Variants in GRM5 observed in about 807,000 individuals in gnomAD.
The protein encoded by GRM5 is glutamate metabotropic receptor 5.
GRM5 carries 19 observed loss-of-function variants against 83.1 expected under a neutral mutation model. That is an observed-to-expected ratio of 0.23 (90% CI 0.16 to 0.34). The LOEUF is 0.34. Among genes scored for constraint, GRM5 ranks in the 10% least tolerant of loss-of-function variants. The pLI is 1.00. For synonymous variants in GRM5, 675 were observed against 633.6 expected (o/e 1.07, Z -0.98); for missense variants, 1,160 against 1,588.3 (o/e 0.73, Z 4.58).
intron 3 of GRM5, among the ~76,000 whole-genome samples, chr11:88,761,255 C>A (rs1355047098): frequency 6.6e-6 from 1 of 152,120 alleles, no homozygotes; most frequent in East Asian, 1.9e-4. Context: ...GAGAGGAAGT[C>A]AAACTATCCC....
At chr11:88,731,449 A>C (rs1941805920) in intron 3 of GRM5, among the ~76,000 whole-genome samples, 2 of 152,066 alleles carry the variant, frequency 1.3e-5, no homozygotes, top group African/African-American at 4.8e-5. Flanking sequence ...GTGCAGACCA[A>C]TTATATCTCT....
intron 3 of GRM5, among the ~76,000 whole-genome samples, chr11:88,805,943 G>T (rs1943492665): frequency 6.6e-6 from 1 of 151,936 alleles, no homozygotes; most frequent in Non-Finnish European, 1.5e-5. Context: ...AACTAGCTTT[G>T]ATACTCTGCC....
intron 2 of GRM5, among the ~76,000 whole-genome samples, chr11:88,891,203 G>T (rs1945138836): frequency 6.6e-6 from 1 of 152,012 alleles, no homozygotes; most frequent in Non-Finnish European, 1.5e-5. Flanking sequence ...TCAAATTGGG[G>T]TTAACATTAA....
intron 8 of GRM5, among the ~76,000 whole-genome samples, chr11:88,537,672 C>T (rs958096900): frequency 2.6e-4 from 40 of 152,098 alleles, no homozygotes; most frequent in African/African-American, 9.7e-4. Flanking sequence ...CATCTCTCAA[C>T]CTTCTATCTA....
chr11:88,631,376 G>A (rs1179628694), intron 4 of GRM5, among the ~76,000 whole-genome samples: 1 of 151,866 alleles, frequency 6.6e-6, no homozygotes, highest in East Asian at 1.9e-4. Flanking sequence ...GATATTATTG[G>A]GATATATATT....
intron 8 of GRM5, among the ~76,000 whole-genome samples, chr11:88,532,472 C>T (rs761888207): frequency 3.9e-5 from 6 of 151,976 alleles, no homozygotes; most frequent in African/African-American, 7.3e-5. Flanking sequence ...GATTTTCATA[C>T]CAAAATTGCA....
rs577327271 is a variant in GRM5 at position 88,602,926 on chromosome 11, A to C, written c.1394+1792T>G. Among the ~76,000 whole-genome samples the C allele has an allele frequency of 3.3e-5, 5 of 152,286 alleles. No homozygotes were observed. The East Asian group carries it at 7.7e-4, about 24-fold the overall frequency. ...AAGTAACTGGATTATTTGGAGAAAC[A>C]AAAGGTGGTAAATCACCTTTTCCTG... On this transcript the variant is annotated intron_variant, in intron 5 of 9. Transcript: ENST00000305447.
At chr11:88,960,655 G>C (rs1938754703) in intron 2 of GRM5, among the ~76,000 whole-genome samples, 1 of 152,132 alleles carries the variant, frequency 6.6e-6, no homozygotes. Context: ...GAAATTTTAG[G>C]AAACTTGGAA....
intron 7 of GRM5, among the ~76,000 whole-genome samples, chr11:88,584,267 GTAACTCCCATC>G (rs1280083170): frequency 1.3e-5 from 2 of 148,922 alleles, no homozygotes; most frequent in Non-Finnish European, 3.0e-5. Flanking sequence ...AACCTATTTT[GTAACTCCCATC>G]TAACTCCCTT....
At chr11:88,680,544 A>G (rs1277907945) in intron 3 of GRM5, among the ~76,000 whole-genome samples, 1 of 152,204 alleles carries the variant, frequency 6.6e-6, no homozygotes, top group African/African-American at 2.4e-5. Context: ...ACTGTAAACT[A>G]GTTCAACCAT....
At chr11:88,971,106 GA>G (rs1318020420) in intron 2 of GRM5, among the ~76,000 whole-genome samples, 4 of 152,104 alleles carry the variant, frequency 2.6e-5, no homozygotes, top group Non-Finnish European at 5.9e-5. Context: ...TCTCATTGTT[GA>G]AAATGGGACT....
At chr11:88,884,285 T>G (rs1237195643) in intron 2 of GRM5, among the ~76,000 whole-genome samples, 2 of 152,186 alleles carry the variant, frequency 1.3e-5, no homozygotes, top group Non-Finnish European at 2.9e-5. Context: ...TTTTCGAACT[T>G]TAATGACTGT....
chr11:88,860,888 G>A (rs1271636544), intron 2 of GRM5, among the ~76,000 whole-genome samples: 1 of 152,146 alleles, frequency 6.6e-6, no homozygotes, highest in East Asian at 1.9e-4. Flanking sequence ...CTATAATTTA[G>A]ACTTGTGCTG....
chr11:88,682,504 T>C (rs916411876), intron 3 of GRM5, among the ~76,000 whole-genome samples: 27 of 152,320 alleles, frequency 1.8e-4, no homozygotes, highest in Admixed American at 6.5e-5. Context: ...GAGATACCTA[T>C]CTACTTAGCT....
intron 2 of GRM5, among the ~76,000 whole-genome samples, chr11:88,906,420 GCTTA>G (rs1565286455): frequency 6.6e-6 from 1 of 152,084 alleles, no homozygotes; most frequent in East Asian, 1.9e-4. Context: ...TCACCAGATG[GCTTA>G]CTTAAATATT....
At chr11:88,741,154 T>C (rs1942019825) in intron 3 of GRM5, among the ~76,000 whole-genome samples, 1 of 152,068 alleles carries the variant, frequency 6.6e-6, no homozygotes, top group African/African-American at 2.4e-5. Context: ...ATGATATTTA[T>C]GATGAAAATA....
In GRM5 at chr11:88,990,151, T is replaced by C. The variant is rs1258647563; in HGVS notation, c.661+57061A>G. Among the ~76,000 whole-genome samples the C allele has an allele frequency of 2.8e-5, 4 of 143,340 alleles. 1 individual carries two copies. The highest frequency in any genetic ancestry group is 7.0e-5 in the Admixed American group (1 of 14,374). The allele number at this position is 143,340 out of a possible 152,430, so 94.0% of individuals were successfully genotyped here. ...AAGAAAAAAAGAGAGAAGAATCAAA[T>C]AGATGCAATAAAAAATGATAAAGGG... On this transcript the variant is annotated intron_variant, in intron 2 of 9. Coordinates refer to ENST00000305447, the MANE Select transcript of GRM5 (RefSeq NM_001143831.3).
intron 2 of GRM5, among the ~76,000 whole-genome samples, chr11:88,907,778 G>A (rs1945429925): frequency 6.6e-6 from 1 of 152,044 alleles, no homozygotes; most frequent in Non-Finnish European, 1.5e-5. Flanking sequence ...TTGAAAACTA[G>A]TAATTCAGAA....
chr11:89,048,937 T>A (rs1305939835), intron 1 of GRM5, among the ~76,000 whole-genome samples: 1 of 152,206 alleles, frequency 6.6e-6, no homozygotes, highest in African/African-American at 2.4e-5. Flanking sequence ...CTGTCCCTTA[T>A]GGGAATCAAT....
Sources: gnomAD v4.1 joint callset for allele counts (sites outside exome capture counted in the v4.1 genomes callset) on GRCh38, gnomAD v4.1.1 for gene constraint, MANE v1.5 for transcripts, NCBI Gene and HGNC (gene_info 2026-07-23, HGNC 2026-07-21) for gene names.